The following SHISA9 variants were observed in gnomAD, a reference collection of about 807,000 sequenced individuals.
SHISA9 encodes the protein shisa family member 9.
In SHISA9, 13 loss-of-function variants were observed where a neutral mutation model predicts 38.0. The observed-to-expected ratio is 0.34, with a 90% CI of 0.22 to 0.54. The LOEUF is 0.54. Among genes scored for constraint, SHISA9 ranks in the 20% least tolerant of loss-of-function variants. The probability of loss-of-function intolerance (pLI) is 0.91; values close to 1 mark genes in which losing one functional copy is unlikely to be tolerated. For synonymous variants in SHISA9, 275 were observed against 242.0 expected, an observed-to-expected ratio of 1.14 and a Z score of -1.27; for missense variants, 538 against 575.8, an observed-to-expected ratio of 0.93 and a Z score of 0.67.
At chr16:13,378,602 T>C in the SHISA9 span, among the ~76,000 whole-genome samples, 13 of 152,204 alleles carry the variant, frequency 8.5e-5, no homozygotes, top group Admixed American at 3.3e-4. Context: ...CTGTTATTCA[T>C]GCACCTGTCA....
the SHISA9 span, among the ~76,000 whole-genome samples, chr16:13,534,755 G>T: frequency 6.6e-6 from 1 of 152,090 alleles, no homozygotes; most frequent in African/African-American, 2.4e-5. Context: ...ACCTCTAAGT[G>T]CTGAAATGTT....
chr16:12,940,257 T>A (rs12922810), intron 2 of SHISA9, among the ~76,000 whole-genome samples: 116,417 of 152,118 alleles, frequency 0.77, 44,699 homozygotes, highest in Middle Eastern at 0.79. Context: ...TTCCCTCTTC[T>A]AACAGCTTAT....
intron 2 of SHISA9, among the ~76,000 whole-genome samples, chr16:12,950,096 A>C (rs1033036345): frequency 6.6e-6 from 1 of 152,134 alleles, no homozygotes; most frequent in African/African-American, 2.4e-5. Flanking sequence ...TTTCGTTCCT[A>C]CATACAGGTG....
chr16:13,008,308 A>G (rs2072623322), intron 2 of SHISA9, among the ~76,000 whole-genome samples: 1 of 152,134 alleles, frequency 6.6e-6, no homozygotes, highest in South Asian at 2.1e-4. Context: ...CCGACATCAC[A>G]TCCCCACTCC....
chr16:13,459,146 G>C, the SHISA9 span, among the ~76,000 whole-genome samples: 1 of 152,086 alleles, frequency 6.6e-6, no homozygotes, highest in Non-Finnish European at 1.5e-5. Flanking sequence ...GAGCCACTGT[G>C]CCAGGCCAAA....
At chr16:12,905,957 G>T (rs2071087396) in intron 1 of SHISA9, among the ~76,000 whole-genome samples, 1 of 152,188 alleles carries the variant, frequency 6.6e-6, no homozygotes, top group African/African-American at 2.4e-5. Context: ...TGGTGCTGGG[G>T]CTACCCCAGG....
At chr16:13,324,546 A>T in the SHISA9 span, among the ~76,000 whole-genome samples, 1 of 152,082 alleles carries the variant, frequency 6.6e-6, no homozygotes, top group Non-Finnish European at 1.5e-5. Context: ...CACTTCTATG[A>T]GCTGCAGGGG....
At chr16:13,020,295 G>A (rs1026801794) in intron 2 of SHISA9, among the ~76,000 whole-genome samples, 2 of 151,798 alleles carry the variant, frequency 1.3e-5, no homozygotes, top group Non-Finnish European at 2.9e-5. Context: ...CACAGTGCTG[G>A]GATTACAGAT....
the SHISA9 span, among the ~76,000 whole-genome samples, chr16:13,481,652 G>A: frequency 3.9e-5 from 6 of 152,026 alleles, no homozygotes; most frequent in Non-Finnish European, 4.4e-5. Flanking sequence ...TACCATGCCC[G>A]GCACATAGAG....
At chr16:13,334,370 TGA>T in the SHISA9 span, among the ~76,000 whole-genome samples, 26 of 152,330 alleles carry the variant, frequency 1.7e-4, no homozygotes, top group African/African-American at 5.8e-4. Flanking sequence ...GCTCTTGATT[TGA>T]AATTAGAGTC....
the SHISA9 span, among the ~76,000 whole-genome samples, chr16:13,498,588 C>G: frequency 1.3e-5 from 2 of 152,178 alleles, no homozygotes; most frequent in South Asian, 4.2e-4. Flanking sequence ...AAAACCCCAT[C>G]TCTACTAAAA....
At chr16:12,980,361 GATATA>G (rs2072224451) in intron 2 of SHISA9, among the ~76,000 whole-genome samples, 1 of 152,080 alleles carries the variant, frequency 6.6e-6, no homozygotes, top group African/African-American at 2.4e-5. Flanking sequence ...AGCTTAATTG[GATATA>G]ATATGTTAAG....
At chr16:13,080,547 A>G (rs887561036) in intron 2 of SHISA9, among the ~76,000 whole-genome samples, 1 of 152,178 alleles carries the variant, frequency 6.6e-6, no homozygotes, top group Non-Finnish European at 1.5e-5. Context: ...TTCTAGCTTC[A>G]CCAAGACCAC....
chr16:13,347,509 G>T, the SHISA9 span, among the ~76,000 whole-genome samples: 1 of 152,190 alleles, frequency 6.6e-6, no homozygotes, highest in Non-Finnish European at 1.5e-5. Flanking sequence ...GCATAGTGCA[G>T]GGACAATAGT....
chr16:13,400,472 A>T, the SHISA9 span, among the ~76,000 whole-genome samples: 2 of 152,160 alleles, frequency 1.3e-5, no homozygotes, highest in African/African-American at 4.8e-5. Flanking sequence ...TTCAAGGCCA[A>T]ATCGTCTTAC....
At chr16:13,225,405 G>C (rs537907414) in intron 4 of SHISA9, among the ~76,000 whole-genome samples, 2 of 152,192 alleles carry the variant, frequency 1.3e-5, no homozygotes, top group Non-Finnish European at 2.9e-5. Flanking sequence ...TGGAGCAGAG[G>C]AGGGTGCATA....
the SHISA9 span, among the ~76,000 whole-genome samples, chr16:13,537,357 G>C: frequency 6.7e-6 from 1 of 150,206 alleles, no homozygotes; most frequent in Admixed American, 6.6e-5. Context: ...AAACTTGGGA[G>C]GTGGAGGTTG....
At chr16:13,046,849 C>A (rs2073193967) in intron 2 of SHISA9, among the ~76,000 whole-genome samples, 1 of 152,192 alleles carries the variant, frequency 6.6e-6, no homozygotes, top group Admixed American at 6.5e-5. Flanking sequence ...CATGGCCTGG[C>A]TGGTTTCTGC....
chr16:13,384,679 C>T, the SHISA9 span, among the ~76,000 whole-genome samples: 8 of 152,134 alleles, frequency 5.3e-5, no homozygotes, highest in Admixed American at 2.6e-4. Flanking sequence ...CGTTTTCTTC[C>T]GTGAAGGAAA....
Sources: allele counts gnomAD v4.1 joint callset (sites outside exome capture counted in the v4.1 genomes callset), GRCh38; gene constraint gnomAD v4.1.1; transcripts MANE v1.5; gene names NCBI Gene and HGNC (gene_info 2026-07-23, HGNC 2026-07-21).